DDX60L: variants seen among roughly 807,000 people sequenced by gnomAD.
DDX60L encodes DExD/H-box 60 like.
In DDX60L, 191 loss-of-function variants were observed where a neutral mutation model predicts 211.6. That is an observed-to-expected ratio of 0.90 (90% CI 0.80 to 1.02). The LOEUF (loss-of-function observed/expected upper bound fraction) is 1.02. Ranked by LOEUF, DDX60L falls within the 50% of genes least tolerant of loss-of-function variation. The probability of loss-of-function intolerance (pLI) is 0.00; values close to 1 mark genes in which losing one functional copy is unlikely to be tolerated. For synonymous variants in DDX60L, 706 were observed against 694.1 expected (o/e 1.02, Z -0.27); for missense variants, 2,007 against 1,984.1 (o/e 1.01, Z -0.22).
At chr4:168,441,729 G>T (rs1753867320) in intron 9 of DDX60L, among the ~76,000 whole-genome samples, 1 of 151,980 alleles carries the variant, frequency 6.6e-6, no homozygotes, top group African/African-American at 2.4e-5. Context: ...TGGGCCTGTG[G>T]TTCCAGCTAC....
At chr4:168,450,935 T>C (rs906907360) in intron 8 of DDX60L, among the ~76,000 whole-genome samples, 5 of 149,508 alleles carry the variant, frequency 3.3e-5, no homozygotes, top group African/African-American at 7.5e-5. Flanking sequence ...ACAACAATAA[T>C]AATTGGCCTT....
At chr4:168,476,516 AGAG>A (rs1246538141) in intron 1 of DDX60L, among the ~76,000 whole-genome samples, 1 of 152,212 alleles carries the variant, frequency 6.6e-6, no homozygotes, top group Non-Finnish European at 1.5e-5. Flanking sequence ...AAGAACTAAC[AGAG>A]AATAGCGAGA....
chr4:168,442,203 G>T (rs1165961671), intron 9 of DDX60L, among the ~76,000 whole-genome samples: 1 of 152,194 alleles, frequency 6.6e-6, no homozygotes, highest in Non-Finnish European at 1.5e-5. Flanking sequence ...AGCGCAAGGG[G>T]TCAGGGAGTT....
Position 168,421,809 on chromosome 4 carries a change from A to G in DDX60L, c.2345T>C (p.Val782Ala). The change falls in exon 17 of 38, where the codon GTG becomes GCG. Residue 782 changes from valine to alanine, a missense_variant. Physicochemically the swap from Val to Ala is moderately conservative, Grantham distance 64. Coordinates refer to ENST00000682922, the MANE Select transcript of DDX60L (RefSeq NM_001012967.3). ...TYASYYCMEK[V>A]LRESDVGVVV... is the part of the protein sequence containing the mutation. ...CACCCCGACATCGCTCTCCCTCAGC[A>G]CTTTCTCCATGCAGTAGTAGGAAGC... is the stretch of plus-strand genomic sequence containing the variant. 6.2e-7 allele frequency: 1 copy of G among 1,614,204 alleles called. No homozygotes were observed. Among genetic ancestry groups the G allele is most frequent in the Non-Finnish European group, 8.5e-7 (1 of 1,180,026 alleles).
Position 168,400,881 on chromosome 4 carries a change from A to C in DDX60L, c.3436T>G (p.Tyr1146Asp), listed in dbSNP as rs951848874. 13 of 1,613,520 alleles carry C rather than the reference A, an allele frequency of 8.1e-6. No individual in the cohort carries two copies. The African/African-American group carries it at 1.2e-4, about 15-fold the overall frequency. ...AGTACTTCATCTATTGCAAAGACATAACTATGACATTCAGTGTGGGGATGG... is the reference window on the plus strand; with the variant it reads ...AGTACTTCATCTATTGCAAAGACATCACTATGACATTCAGTGTGGGGATGG... ...KSHPHTECHS[Y>D]VFAIDEVLEK... is the part of the protein sequence containing the mutation. Residue 1146 changes from tyrosine to aspartate, a missense_variant, in exon 26 of 38, where the codon TAT (tyrosine) becomes GAT (aspartate). Transcript: ENST00000682922.
chr4:168,422,886 C>A (rs1422917393), intron 15 of DDX60L, among the ~76,000 whole-genome samples: 2 of 151,948 alleles, frequency 1.3e-5, no homozygotes, highest in African/African-American at 4.8e-5. Flanking sequence ...AGTGATCTTC[C>A]TACCTCAGCC....
At position 168,400,958 on chromosome 4, in the gene DDX60L, C is replaced by T. The variant is rs1251519429; in HGVS notation, c.3359G>A (p.Gly1120Glu). 3 of 1,613,526 alleles carry T rather than the reference C, an allele frequency of 1.9e-6. No homozygotes were observed. Among genetic ancestry groups the T allele is most frequent in the South Asian group, 1.1e-5 (1 of 91,014 alleles). ...AGTGCACACACTTCCAGCTCTTTTT[C>T]CCACATCATCATTCTTAAACCTTAA... The part of the protein sequence containing the change: ...IFFLFKNDDV[G>E]KRAGSVCTFL... The change falls in exon 26 of 38, where the codon GGA (glycine) becomes GAA (glutamate). Residue 1120 changes from glycine (G) to glutamate (E), a missense_variant. Transcript: ENST00000682922.
chr4:168,374,850 T>C (rs1455382469), intron 34 of DDX60L, among the ~76,000 whole-genome samples: 1 of 152,192 alleles, frequency 6.6e-6, no homozygotes, highest in Non-Finnish European at 1.5e-5. Flanking sequence ...AGCTAGGTAA[T>C]ATTTTTAGTC....
chr4:168,423,715 G>T lies in DDX60L; in HGVS notation c.1990C>A (p.Leu664Met). The T allele has an allele frequency of 6.2e-7, 1 of 1,607,120 alleles. No individual in the cohort carries two copies. Among genetic ancestry groups the T allele is most frequent in the Non-Finnish European group, 8.5e-7 (1 of 1,177,470 alleles). Residue 664 changes from leucine (L) to methionine (M), a missense_variant, in exon 15 of 38, where the codon CTG becomes ATG. Leu to Met is a conservative substitution (Grantham distance 15, BLOSUM62 2). Coordinates refer to ENST00000682922, the MANE Select transcript of DDX60L (RefSeq NM_001012967.3). ...VQMMKRIHSL[L>M]ERYPEILEAE... Reference sequence around the variant, plus strand: ...TCCAAAATTTCTGGGTATCTCTCCAGGAGTGAATGAATCCTTTTCATCATT... The same window carrying T: ...TCCAAAATTTCTGGGTATCTCTCCATGAGTGAATGAATCCTTTTCATCATT...
chr4:168,374,643 G>A (rs375096513), intron 34 of DDX60L, among the ~76,000 whole-genome samples: 13 of 152,154 alleles, frequency 8.5e-5, no homozygotes, highest in African/African-American at 1.7e-4. Flanking sequence ...GAAAGTTAAC[G>A]TGACTAAAGC....
chr4:168,410,145 A>G (rs977676792), intron 22 of DDX60L, among the ~76,000 whole-genome samples: 4 of 152,200 alleles, frequency 2.6e-5, no homozygotes, highest in Non-Finnish European at 5.9e-5. Flanking sequence ...AAGACATGAA[A>G]GCAAAAAATT....
intron 4 of DDX60L, among the ~76,000 whole-genome samples, chr4:168,467,212 T>C (rs748725524): frequency 6.6e-6 from 1 of 151,952 alleles, no homozygotes; most frequent in Non-Finnish European, 1.5e-5. Flanking sequence ...AGTTGGAGAC[T>C]AGCCTGTACA....
At chr4:168,450,387 T>G (rs1579740771) in intron 8 of DDX60L, among the ~76,000 whole-genome samples, 1 of 151,384 alleles carries the variant, frequency 6.6e-6, no homozygotes. Context: ...GGCTTCCCCC[T>G]ACCCACCAAG....
chr4:168,436,036 A>G (rs990427914), intron 10 of DDX60L, among the ~76,000 whole-genome samples: 1 of 152,198 alleles, frequency 6.6e-6, no homozygotes, highest in African/African-American at 2.4e-5. Context: ...GGAGAAGGGT[A>G]GTTGTTGCAT....
intron 37 of DDX60L, 64 bp downstream of exon 37, chr4:168,361,083 AAG>A: frequency 8.8e-7 from 1 of 1,139,868 alleles, no homozygotes; most frequent in Non-Finnish European, 1.3e-6. Flanking sequence ...TACACAAAGG[AAG>A]AGCTATATGT....
rs553415851 is a variant in DDX60L at position 168,431,608 on chromosome 4, C to T, written c.1516+847G>A. Among the ~76,000 whole-genome samples, 906 of 151,054 alleles carry T rather than the reference C, an allele frequency of 6.0e-3. 10 individuals carry two copies. The highest frequency in any genetic ancestry group is 0.021 in the African/African-American group (850 of 41,078). ...AAGAGATATACCTAATGCTAAATGA[C>T]GAGTTAATGGGTGCAGCACACCAGC... On this transcript the variant is annotated intron_variant, in intron 12 of 37. Coordinates refer to ENST00000682922, the MANE Select transcript of DDX60L (RefSeq NM_001012967.3).
intron 10 of DDX60L, among the ~76,000 whole-genome samples, chr4:168,439,133 G>C (rs760832933): frequency 1.3e-5 from 2 of 152,122 alleles, no homozygotes; most frequent in Non-Finnish European, 2.9e-5. Context: ...TATGGTTTAA[G>C]GATATGTATA....
intron 24 of DDX60L, among the ~76,000 whole-genome samples, chr4:168,405,731 G>C (rs1031310946): frequency 6.6e-6 from 1 of 152,172 alleles, no homozygotes; most frequent in Non-Finnish European, 1.5e-5. Context: ...GAAACCAAAA[G>C]CCTATGGTGC....
At chr4:168,474,775 G>A (rs1759261066) in intron 1 of DDX60L, among the ~76,000 whole-genome samples, 1 of 152,148 alleles carries the variant, frequency 6.6e-6, no homozygotes, top group African/African-American at 2.4e-5. Flanking sequence ...TCCATTAAAA[G>A]GTAATCCTGG....
Sources: allele counts gnomAD v4.1 joint callset (sites outside exome capture counted in the v4.1 genomes callset), GRCh38; gene constraint gnomAD v4.1.1; transcripts MANE v1.5; gene names NCBI Gene and HGNC (gene_info 2026-07-23, HGNC 2026-07-21).